CAMK2D: variants seen among roughly 807,000 people sequenced by gnomAD.
CAMK2D encodes calcium/calmodulin dependent protein kinase II delta.
In CAMK2D, 37 loss-of-function variants were observed where a neutral mutation model predicts 84.0. That is an observed-to-expected ratio of 0.44 (90% CI 0.34 to 0.58). CAMK2D has a LOEUF of 0.58. Ranked by LOEUF, CAMK2D falls within the 20% of genes least tolerant of loss-of-function variation. The pLI is 0.02. For synonymous variants in CAMK2D, 202 were observed against 212.5 expected, an observed-to-expected ratio of 0.95 and a Z score of 0.43; for missense variants, 448 against 652.5, an observed-to-expected ratio of 0.69 and a Z score of 3.41.
At chr4:113,682,357 AATTT>A (rs2099348381) in intron 2 of CAMK2D, among the ~76,000 whole-genome samples, 1 of 152,082 alleles carries the variant, frequency 6.6e-6, no homozygotes, top group South Asian at 2.1e-4. Context: ...TTCAAATTTT[AATTT>A]ATTAAAAAGT....
At position 113,625,684 on chromosome 4, in the gene CAMK2D, G is replaced by A. The variant is rs565816118; in HGVS notation, c.221-16478C>T. ...GTGTGAGTATCGGGGGTGTGAGTAT[G>A]AGGGGTTATACAGAGCCTTGGAGTA... On this transcript the variant is annotated intron_variant, in intron 3 of 20. Transcript: ENST00000511664. Among the ~76,000 whole-genome samples the A allele has an allele frequency of 1.3e-5, 2 of 152,242 alleles. 1 individual carries two copies. The highest frequency in any genetic ancestry group is 4.8e-5 in the African/African-American group (2 of 41,544).
At chr4:113,710,350 A>T (rs1047972934) in intron 2 of CAMK2D, among the ~76,000 whole-genome samples, 6 of 152,130 alleles carry the variant, frequency 3.9e-5, no homozygotes, top group Admixed American at 2.0e-4. Flanking sequence ...TTATGACTGG[A>T]AGAACAAAAG....
Position 113,473,194 on chromosome 4 carries a change from C to G in CAMK2D, c.1136-7590G>C, listed in dbSNP as rs1204840127. ...GTGTAATTAATTATTACATCAATTT[C>G]ACACAACTGGGTGCCCCGTGGTTTT... On this transcript the variant is annotated intron_variant, in intron 16 of 20. Transcript: ENST00000511664. Among the ~76,000 whole-genome samples the G allele has an allele frequency of 2.6e-5, 4 of 152,210 alleles. No homozygotes were observed. The East Asian group carries it at 7.7e-4, about 29-fold the overall frequency.
At chr4:113,754,688 T>C in intron 2 of CAMK2D, 1 of 977,962 alleles carries the variant, frequency 1.0e-6, no homozygotes, top group Non-Finnish European at 1.2e-6. Flanking sequence ...ATACTTTTTT[T>C]TTTTATTATT....
intron 3 of CAMK2D, among the ~76,000 whole-genome samples, chr4:113,650,555 G>A (rs2099168715): frequency 6.6e-6 from 1 of 151,380 alleles, no homozygotes. Context: ...AAATATAATG[G>A]GTGGAAACAA....
At chr4:113,460,434 A>T (rs1422285135) in intron 17 of CAMK2D, among the ~76,000 whole-genome samples, 193 bp from the exon 18 acceptor site, 2 of 152,080 alleles carry the variant, frequency 1.3e-5, no homozygotes, top group Non-Finnish European at 2.9e-5. Flanking sequence ...TTTTGCAGAG[A>T]ACTCTGATAG....
In CAMK2D at chr4:113,661,770, G is replaced by T; in HGVS notation, c.163C>A (p.His55Asn). 3 of 1,462,450 alleles carry T rather than the reference G, an allele frequency of 2.1e-6. No homozygotes were observed. The highest frequency in any genetic ancestry group is 2.8e-6 in the Non-Finnish European group (3 of 1,077,270). 90.6% of individuals were successfully genotyped at this position (1,462,450 alleles called of 1,614,324 possible). Reference sequence around the variant, plus strand: ...CTAGCTTCTCTTTCTAGTTTCTGATGATCTGTTAAAAAAAAAAACAGAATA... The same window carrying T: ...CTAGCTTCTCTTTCTAGTTTCTGATTATCTGTTAAAAAAAAAAACAGAATA... ...INTKKLSARD[H>N]QKLEREARIC... Residue 55 changes from histidine (H) to asparagine (N), a missense_variant and splice_region_variant, in exon 3 of 21, where the codon CAT becomes AAT. Transcript: ENST00000511664.
chr4:113,702,175 T>C (rs2099420105), intron 2 of CAMK2D, among the ~76,000 whole-genome samples: 1 of 152,200 alleles, frequency 6.6e-6, no homozygotes, highest in Non-Finnish European at 1.5e-5. Flanking sequence ...TTATGTAACA[T>C]TACTAAGAGG....
chr4:113,641,686 A>T (rs1056944691), intron 3 of CAMK2D, among the ~76,000 whole-genome samples: 3 of 152,222 alleles, frequency 2.0e-5, no homozygotes, highest in African/African-American at 7.2e-5. Context: ...GAAAACCTGT[A>T]TCACAATCAC....
chr4:113,608,595 A>G (rs909033584), intron 4 of CAMK2D, among the ~76,000 whole-genome samples: 2 of 152,130 alleles, frequency 1.3e-5, no homozygotes, highest in Non-Finnish European at 2.9e-5. Flanking sequence ...GTAGCACCAA[A>G]TTGATTTCCA....
At chr4:113,633,693 C>T (rs1324966729) in intron 3 of CAMK2D, among the ~76,000 whole-genome samples, 3 of 152,182 alleles carry the variant, frequency 2.0e-5, no homozygotes, top group African/African-American at 7.2e-5. Context: ...GTTGGCTCCA[C>T]AAGCAGGATA....
intron 4 of CAMK2D, among the ~76,000 whole-genome samples, chr4:113,601,680 A>ATTGTTTTT (rs1591768154): frequency 5.8e-5 from 2 of 34,590 alleles, no homozygotes; most frequent in Non-Finnish European, 1.3e-4. Context: ...TTAACTGTTT[A>ATTGTTTTT]TTCTTTTTTT....
Position 113,701,647 on chromosome 4 carries a change from A to C in CAMK2D, c.161-39875T>G, listed in dbSNP as rs115891271. ...TATGGGCCACCCTGGGAAAGTTATG[A>C]CCTTGGACAAGGGGCCTCTTTACAA... On this transcript the variant is annotated intron_variant, in intron 2 of 20. Coordinates refer to ENST00000511664, the MANE Select transcript of CAMK2D (RefSeq NM_001321571.2). Among the ~76,000 whole-genome samples the C allele has an allele frequency of 9.3e-3, 1,419 of 152,202 alleles. 26 individuals carry two copies. Among genetic ancestry groups the C allele is most frequent in the African/African-American group, 0.032 (1,341 of 41,524 alleles).
At chr4:113,520,091 C>A (rs993203912) in intron 8 of CAMK2D, among the ~76,000 whole-genome samples, 14 of 152,094 alleles carry the variant, frequency 9.2e-5, no homozygotes, top group African/African-American at 2.7e-4. Context: ...GTCCTCTAAA[C>A]AAATGCTTAT....
rs150394620 is a variant in CAMK2D at position 113,688,651 on chromosome 4, C to T, written c.161-26879G>A. 3.5e-4 allele frequency among the ~76,000 whole-genome samples: 54 copies of T among 152,172 alleles called. No homozygotes were observed. In the East Asian group the frequency reaches 7.2e-3, roughly 20 times the overall value. ...AGTTCCTATTGCCCCAACTGATTTC[C>T]TCACCTTTAACTCCTTGGTTTCCTT... On this transcript the variant is annotated intron_variant, in intron 2 of 20. Transcript: ENST00000511664.
intron 3 of CAMK2D, among the ~76,000 whole-genome samples, chr4:113,639,185 T>A (rs1018863737): frequency 5.3e-5 from 8 of 151,688 alleles, no homozygotes; most frequent in Non-Finnish European, 7.4e-5. Context: ...GAGGCTACAC[T>A]GAGCTATGAT....
At chr4:113,514,988 A>G in intron 10 of CAMK2D, 81 bp downstream of exon 10, 1 of 1,287,332 alleles carries the variant, frequency 7.8e-7, no homozygotes, top group African/African-American at 1.5e-5. Flanking sequence ...TTGCAAAGCT[A>G]TTTTAAATCC....
At position 113,537,365 on chromosome 4, in the gene CAMK2D, G is replaced by T. The variant is rs2098500639; in HGVS notation, c.493C>A (p.Gln165Lys). The change falls in exon 7 of 21, where the codon CAA becomes AAA. Residue 165 changes from glutamine to lysine, a missense_variant. Gln to Lys is a moderately conservative substitution (Grantham distance 53). Transcript: ENST00000511664. Reference sequence around the variant, plus strand: ...CCAAACCACGCCTGCTGGTCCCCTTGAACTTCTATGGCTAAGCCAAAGTCT... The same window carrying T: ...CCAAACCACGCCTGCTGGTCCCCTTTAACTTCTATGGCTAAGCCAAAGTCT... Reference protein sequence around the residue: ...LADFGLAIEVQGDQQAWFGFA... With the variant: ...LADFGLAIEVKGDQQAWFGFA... The T allele has an allele frequency of 1.2e-6, 2 of 1,610,788 alleles. No individual in the cohort carries two copies. Among genetic ancestry groups the T allele is most frequent in the African/African-American group, 1.3e-5 (1 of 74,816 alleles).
chr4:113,461,580 G>C (rs1003217968), intron 17 of CAMK2D, among the ~76,000 whole-genome samples: 2 of 152,170 alleles, frequency 1.3e-5, no homozygotes, highest in Non-Finnish European at 2.9e-5. Flanking sequence ...GAAATGCAGA[G>C]AAGAAAATAT....
Sources: allele counts gnomAD v4.1 joint callset (sites outside exome capture counted in the v4.1 genomes callset), GRCh38; gene constraint gnomAD v4.1.1; transcripts MANE v1.5; gene names NCBI Gene and HGNC (gene_info 2026-07-23, HGNC 2026-07-21).